The following ANK3 variants were observed in gnomAD, a reference collection of about 807,000 sequenced individuals.
ANK3 encodes the protein ankyrin-3.
In ANK3, 57 loss-of-function variants were observed where a neutral mutation model predicts 370.9. The ratio of observed to expected loss-of-function variants is 0.15; its 90% confidence interval spans 0.12 to 0.19. ANK3 has a LOEUF of 0.19. ANK3 is among the 10% of genes least tolerant of loss of function. ANK3 has a pLI of 1.00. For missense variants in ANK3, 4,439 were observed against 5,302.1 expected, an observed-to-expected ratio of 0.84 and a Z score of 5.06; for synonymous variants, 1,929 against 1,946.3, an observed-to-expected ratio of 0.99 and a Z score of 0.23.
At chr10:60,179,993 G>T (rs1367848287) in intron 18 of ANK3, among the ~76,000 whole-genome samples, 1 of 151,140 alleles carries the variant, frequency 6.6e-6, no homozygotes, top group Non-Finnish European at 1.5e-5. Context: ...AAGTGTTTAA[G>T]TCTGTCTCTC....
chr10:60,201,970 C>T (rs1203855789), intron 12 of ANK3, among the ~76,000 whole-genome samples: 1 of 152,056 alleles, frequency 6.6e-6, no homozygotes, highest in Non-Finnish European at 1.5e-5. Context: ...CCATCTCGGC[C>T]TCCCAAAGTG....
Position 60,068,977 on chromosome 10 carries a change from G to GGTGGTGGCA in ANK3, c.11895_11903dup (p.Ala3966_Thr3968dup). 1 of 1,613,640 alleles carries GGTGGTGGCA rather than the reference G, an allele frequency of 6.2e-7. No homozygotes were observed. Among genetic ancestry groups the GGTGGTGGCA allele is most frequent in the Non-Finnish European group, 8.5e-7 (1 of 1,179,858 alleles). ...TGGTGGTAGTGGTGGTAGTGGTGGT[G>GGTGGTGGCA]GTGGTGGCAGTGGTGGTGGTGGTAG... On this transcript the variant is annotated inframe_insertion, in exon 37 of 44. Transcript: ENST00000280772.
At chr10:60,111,372 T>C (rs1193958729) in intron 26 of ANK3, among the ~76,000 whole-genome samples, 1 of 152,186 alleles carries the variant, frequency 6.6e-6, no homozygotes, top group Non-Finnish European at 1.5e-5. Context: ...GTCAACAGAC[T>C]GAGGAAAAGT....
chr10:60,372,987 AT>A (rs1400527729), intron 1 of ANK3, among the ~76,000 whole-genome samples: 1 of 152,234 alleles, frequency 6.6e-6, no homozygotes, highest in Admixed American at 6.5e-5. Flanking sequence ...TGATCAGTAG[AT>A]TTTTTTAAAA....
chr10:60,114,056 A>G (rs1329181435), intron 26 of ANK3, among the ~76,000 whole-genome samples, 169 bp downstream of exon 26: 6 of 152,230 alleles, frequency 3.9e-5, no homozygotes, highest in African/African-American at 1.4e-4. Flanking sequence ...AGAATTACTT[A>G]GAAAAAAACA....
intron 1 of ANK3, among the ~76,000 whole-genome samples, chr10:60,695,504 A>C (rs1304632381): frequency 6.6e-6 from 1 of 152,204 alleles, no homozygotes; most frequent in Non-Finnish European, 1.5e-5. Flanking sequence ...CTTCGAAGTA[A>C]AGCCCTCCTC....
intron 1 of ANK3, among the ~76,000 whole-genome samples, chr10:60,697,266 A>G (rs1303590631): frequency 6.6e-6 from 1 of 151,330 alleles, no homozygotes; most frequent in Non-Finnish European, 1.5e-5. Context: ...ATACAAACAA[A>G]TGGAAGAACA....
intron 6 of ANK3, among the ~76,000 whole-genome samples, 169 bp from the exon 7 acceptor site, chr10:60,262,126 T>C (rs1224037639): frequency 6.6e-6 from 1 of 152,168 alleles, no homozygotes; most frequent in African/African-American, 2.4e-5. Context: ...GGGTTTCTAA[T>C]AAACCCCAAA....
chr10:60,268,027 G>A (rs1294023178), intron 5 of ANK3, among the ~76,000 whole-genome samples: 2 of 152,096 alleles, frequency 1.3e-5, no homozygotes, highest in East Asian at 1.9e-4. Context: ...TAGAGACAGG[G>A]TCTCACTGTT....
intron 1 of ANK3, among the ~76,000 whole-genome samples, chr10:60,657,117 T>C (rs527242761): frequency 3.9e-5 from 6 of 152,298 alleles, no homozygotes; most frequent in African/African-American, 9.6e-5. Flanking sequence ...CTTATGTTGA[T>C]GGCAGCAGGC....
At position 60,028,849 on chromosome 10, in the gene ANK3, G is replaced by T. The variant is rs543755040; in HGVS notation, c.*997C>A. 1 of 146,438 alleles carries T rather than the reference G, an allele frequency of 6.8e-6. No homozygotes were observed. Among genetic ancestry groups the T allele is most frequent in the Non-Finnish European group, 1.5e-5 (1 of 67,030 alleles). The allele number at this position is 146,438 out of a possible 1,614,324, so 9.1% of individuals were successfully genotyped here. A position where few individuals can be genotyped will look rare whatever the true frequency, so the allele number is the denominator to read the frequency against. On this transcript the variant is annotated 3_prime_UTR_variant, in exon 44 of 44. Transcript: ENST00000280772. ...CCCCCCACCCCCTAAAGCAACTACC[G>T]TATAGGTTATTTTTTTTTGTTGTTT...
At chr10:60,236,403 T>G (rs560323712) in intron 7 of ANK3, among the ~76,000 whole-genome samples, 1 of 152,282 alleles carries the variant, frequency 6.6e-6, no homozygotes, top group African/African-American at 2.4e-5. Flanking sequence ...GTCGACATAT[T>G]GCATTAGGTT....
rs373115573 is a variant in ANK3, at chr10:60,070,499, T to C, written c.10382A>G (p.Gln3461Arg). The C allele has an allele frequency of 1.9e-6, 3 of 1,614,088 alleles. No individual in the cohort carries two copies. Among genetic ancestry groups the C allele is most frequent in the African/African-American group, 2.7e-5 (2 of 74,942 alleles). ...CTCCTCGATAACTTCAAGTTTACTT[T>C]GGCTAAAAGAGCGGTCAGCTGGCTT... ...ILKPADRSFS[Q>R]SKLEVIEEEG... is the part of the protein sequence containing the mutation. Residue 3461 changes from glutamine (Q) to arginine (R), a missense_variant, in exon 37 of 44, where the codon CAA becomes CGA. Gln to Arg is a conservative substitution (Grantham distance 43). Coordinates refer to ENST00000280772, the MANE Select transcript of ANK3 (RefSeq NM_020987.5). The surrounding 1 kb of genome is among the most constrained non-coding windows in gnomAD (Gnocchi z 5.7).
intron 1 of ANK3, among the ~76,000 whole-genome samples, chr10:60,629,576 A>G (rs1474332447): frequency 6.6e-6 from 1 of 152,150 alleles, no homozygotes; most frequent in African/African-American, 2.4e-5. Flanking sequence ...ACAGAATACT[A>G]ATGAAAACCC....
At chr10:60,227,778 C>T (rs2097185382) in intron 8 of ANK3, among the ~76,000 whole-genome samples, 2 of 152,002 alleles carry the variant, frequency 1.3e-5, no homozygotes, top group Admixed American at 1.3e-4. Flanking sequence ...GGTTCTTTCC[C>T]CCGCATTATA....
intron 1 of ANK3, among the ~76,000 whole-genome samples, chr10:60,669,556 T>A (rs2079040963): frequency 1.3e-5 from 2 of 152,174 alleles, no homozygotes. Context: ...TCACTAATGA[T>A]CTTCAGGTTT....
intron 2 of ANK3, among the ~76,000 whole-genome samples, chr10:60,463,025 T>G (rs896079295): frequency 6.6e-6 from 1 of 152,190 alleles, no homozygotes; most frequent in African/African-American, 2.4e-5. Context: ...CACCTCAGTC[T>G]ATCCAGTAGC....
intron 17 of ANK3, among the ~76,000 whole-genome samples, chr10:60,182,808 G>T (rs1277914981): frequency 6.6e-6 from 1 of 152,142 alleles, no homozygotes; most frequent in Non-Finnish European, 1.5e-5. Context: ...CTGAATAAAG[G>T]GGGAAATGTG....
chr10:60,592,702 C>T (rs568811386), intron 2 of ANK3, among the ~76,000 whole-genome samples: 2 of 152,038 alleles, frequency 1.3e-5, no homozygotes, highest in African/African-American at 2.4e-5. Flanking sequence ...AGGCAGAAGT[C>T]GCAGTGAGCT....
Sources: allele counts gnomAD v4.1 joint callset (sites outside exome capture counted in the v4.1 genomes callset), GRCh38; gene constraint gnomAD v4.1.1; non-coding constraint Gnocchi (gnomAD v3.1); transcripts MANE v1.5; gene names NCBI Gene and HGNC (gene_info 2026-07-23, HGNC 2026-07-21).